Variants in PHACTR1 observed in about 807,000 individuals in gnomAD.
The protein encoded by PHACTR1 is phosphatase and actin regulator 1, also known as RPEL repeat containing 1.
Under a neutral mutation model 69.2 loss-of-function variants are expected in PHACTR1, and 16 were observed. That is an observed-to-expected ratio of 0.23 (90% CI 0.16 to 0.35). PHACTR1 has a LOEUF of 0.35. PHACTR1 is among the 10% of genes least tolerant of loss of function. The pLI is 1.00. For missense variants in PHACTR1, 510 were observed against 734.7 expected, an observed-to-expected ratio of 0.69 and a Z score of 3.54; for synonymous variants, 312 against 284.5, an observed-to-expected ratio of 1.10 and a Z score of -0.97.
chr6:12,977,391 C>T (rs1007492476), intron 4 of PHACTR1, among the ~76,000 whole-genome samples: 1 of 151,888 alleles, frequency 6.6e-6, no homozygotes, highest in Non-Finnish European at 1.5e-5. Context: ...CACACACACA[C>T]ACACACACAC....
chr6:13,006,269 C>T (rs927862772), intron 4 of PHACTR1, among the ~76,000 whole-genome samples: 6 of 152,178 alleles, frequency 3.9e-5, no homozygotes, highest in South Asian at 2.1e-4. Context: ...GCCTGTAGTC[C>T]GATAACCTTT....
chr6:12,729,894 TGAGA>T (rs1480896977), intron 3 of PHACTR1, among the ~76,000 whole-genome samples: 1 of 151,834 alleles, frequency 6.6e-6, no homozygotes, highest in Non-Finnish European at 1.5e-5. Flanking sequence ...AGACAGAGAG[TGAGA>T]GAGAGGTTCT....
intron 4 of PHACTR1, among the ~76,000 whole-genome samples, chr6:13,030,124 A>T (rs1300609838): frequency 6.6e-6 from 1 of 152,236 alleles, no homozygotes; most frequent in Non-Finnish European, 1.5e-5. Flanking sequence ...TATTGTGGTT[A>T]CAAGTATTAT....
chr6:12,731,868 G>A (rs911746638), intron 3 of PHACTR1, among the ~76,000 whole-genome samples: 2 of 152,016 alleles, frequency 1.3e-5, no homozygotes, highest in Admixed American at 6.6e-5. Context: ...CTCACATGTC[G>A]CCACACATTC....
intron 6 of PHACTR1, among the ~76,000 whole-genome samples, chr6:13,178,140 A>G (rs1463494673): frequency 1.3e-5 from 2 of 152,170 alleles, no homozygotes; most frequent in Non-Finnish European, 2.9e-5. Flanking sequence ...TCTGCATACT[A>G]TTCTCTGCTG....
intron 10 of PHACTR1, among the ~76,000 whole-genome samples, chr6:13,248,557 A>T (rs754882003): frequency 6.6e-6 from 1 of 152,164 alleles, no homozygotes; most frequent in Non-Finnish European, 1.5e-5. Flanking sequence ...AATAAACTTG[A>T]TATAGGGGGA....
At chr6:13,206,917 C>T (rs1029519740) in intron 8 of PHACTR1, among the ~76,000 whole-genome samples, 1 of 152,130 alleles carries the variant, frequency 6.6e-6, no homozygotes, top group Non-Finnish European at 1.5e-5. Context: ...ACGATGGCCC[C>T]AGCTGGGAAT....
intron 5 of PHACTR1, among the ~76,000 whole-genome samples, chr6:13,094,513 T>C (rs1257512980): frequency 6.6e-6 from 1 of 151,890 alleles, no homozygotes; most frequent in Non-Finnish European, 1.5e-5. Flanking sequence ...GCCAGGCGGG[T>C]CTTGAACTCC....
intron 4 of PHACTR1, among the ~76,000 whole-genome samples, chr6:12,797,040 T>TGTGTGTGTGAGA (rs563796658): frequency 6.5e-4 from 87 of 133,388 alleles, no homozygotes; most frequent in Admixed American, 2.3e-3. Flanking sequence ...TGTGTGTGTG[T>TGTGTGTGTGAGA]GAGAGAGAGA....
intron 4 of PHACTR1, among the ~76,000 whole-genome samples, chr6:12,837,014 C>T (rs1778238882): frequency 6.6e-6 from 1 of 152,142 alleles, no homozygotes; most frequent in Non-Finnish European, 1.5e-5. Context: ...CCCAGAACTC[C>T]TTGAGGAGAT....
At chr6:13,003,709 A>G (rs915295026) in intron 4 of PHACTR1, among the ~76,000 whole-genome samples, 5 of 151,672 alleles carry the variant, frequency 3.3e-5, no homozygotes, top group African/African-American at 7.3e-5. Context: ...AGTACCCACT[A>G]AATAACTTCT....
intron 4 of PHACTR1, among the ~76,000 whole-genome samples, chr6:12,850,661 C>T (rs1779737392): frequency 6.6e-6 from 1 of 152,198 alleles, no homozygotes; most frequent in Non-Finnish European, 1.5e-5. Flanking sequence ...TCAGCAGGGC[C>T]ATGCTCTATC....
intron 5 of PHACTR1, among the ~76,000 whole-genome samples, chr6:13,079,438 T>C (rs1583265283): frequency 1.3e-5 from 2 of 152,130 alleles, no homozygotes; most frequent in East Asian, 3.9e-4. Flanking sequence ...TTAAAACCTT[T>C]CCCTTCCCTT....
At chr6:13,010,592 C>G (rs1799338408) in intron 4 of PHACTR1, among the ~76,000 whole-genome samples, 1 of 152,170 alleles carries the variant, frequency 6.6e-6, no homozygotes, top group African/African-American at 2.4e-5. Flanking sequence ...AGATTCCGGG[C>G]TAGAGCTTGA....
chr6:13,002,074 T>C (rs1450775999), intron 4 of PHACTR1, among the ~76,000 whole-genome samples: 10 of 152,248 alleles, frequency 6.6e-5, no homozygotes, highest in Admixed American at 6.5e-4. Flanking sequence ...AACACTGAAC[T>C]ATGCATTTAC....
At chr6:13,223,380 A>T (rs2127291038) in intron 8 of PHACTR1, among the ~76,000 whole-genome samples, 1 of 152,300 alleles carries the variant, frequency 6.6e-6, no homozygotes, top group South Asian at 2.1e-4. Flanking sequence ...AGCCAAGGTG[A>T]ATCGGTGAAT....
At chr6:13,050,405 C>T (rs1275127524) in intron 4 of PHACTR1, among the ~76,000 whole-genome samples, 2 of 152,226 alleles carry the variant, frequency 1.3e-5, no homozygotes, top group Non-Finnish European at 1.5e-5. Flanking sequence ...AGGCCCACAT[C>T]TGATCTATGC....
intron 4 of PHACTR1, among the ~76,000 whole-genome samples, chr6:12,823,322 C>T (rs566362352): frequency 2.2e-4 from 33 of 152,210 alleles, no homozygotes; most frequent in African/African-American, 7.5e-4. Flanking sequence ...TTTAAATGAG[C>T]TTTATTAAAA....
chr6:13,099,612 G>A (rs1003069708), intron 5 of PHACTR1, among the ~76,000 whole-genome samples: 3 of 152,192 alleles, frequency 2.0e-5, no homozygotes, highest in African/African-American at 4.8e-5. Context: ...GGGTGTGGGT[G>A]TATACCCTTT....
Sources: gnomAD v4.1 joint callset for allele counts (sites outside exome capture counted in the v4.1 genomes callset) on GRCh38, gnomAD v4.1.1 for gene constraint, MANE v1.5 for transcripts, NCBI Gene and HGNC (gene_info 2026-07-23, HGNC 2026-07-21) for gene names.